The following CD109 variants were observed in gnomAD, a reference collection of about 807,000 sequenced individuals.
The protein encoded by CD109 is CD109 molecule.
In CD109, 149 loss-of-function variants were observed where a neutral mutation model predicts 165.8. The observed-to-expected ratio is 0.90, with a 90% CI of 0.79 to 1.03. The LOEUF (loss-of-function observed/expected upper bound fraction) is 1.03, where lower values mean the gene tolerates loss of function less well. Among genes scored for constraint, CD109 ranks in the 50% least tolerant of loss-of-function variants. The probability of loss-of-function intolerance (pLI) is 0.00; values close to 1 mark genes in which losing one functional copy is unlikely to be tolerated. For missense variants in CD109, 1,712 were observed against 1,677.8 expected (o/e 1.02, Z -0.36); for synonymous variants, 585 against 592.1 (o/e 0.99, Z 0.18).
intron 7 of CD109, among the ~76,000 whole-genome samples, chr6:73,760,463 CTCT>C (rs1313894191): frequency 6.7e-6 from 1 of 148,178 alleles, no homozygotes; most frequent in East Asian, 2.0e-4. Context: ...AATGTATTGC[CTCT>C]TCTTCACATG....
rs533767572 is a variant in CD109 at position 73,802,257 on chromosome 6, A to ATG, written c.2879-931_2879-930dup. On this transcript the variant is annotated intron_variant, in intron 23 of 32. Coordinates refer to ENST00000287097, the MANE Select transcript of CD109 (RefSeq NM_133493.5). ...CATTGCCACCACTGAGCATGTGTAT[A>ATG]TGTGTGTGTGTGTGTGTGTGTGTGT... Among the ~76,000 whole-genome samples, 737 of 100,312 alleles carry ATG rather than the reference A, an allele frequency of 7.3e-3. 6 individuals carry two copies. The highest frequency in any genetic ancestry group is 0.015 in the African/African-American group (347 of 23,930). 65.8% of individuals were successfully genotyped at this position (100,312 alleles called of 152,430 possible). A position where few individuals can be genotyped will look rare whatever the true frequency, so the allele number is the denominator to read the frequency against.
intron 2 of CD109, among the ~76,000 whole-genome samples, chr6:73,720,739 C>T (rs1342954996): frequency 6.6e-6 from 1 of 152,074 alleles, no homozygotes; most frequent in Non-Finnish European, 1.5e-5. Context: ...AAAAAAAGAT[C>T]CAGGACAAAT....
chr6:73,679,628 G>GT, the CD109 span, among the ~76,000 whole-genome samples: 61,265 of 149,462 alleles, frequency 0.41, 12,639 homozygotes, highest in Admixed American at 0.46. Context: ...TTTCTTTTCT[G>GT]TTTTTTTTTG....
rs754018053 is a variant in CD109 at position 73,781,778 on chromosome 6, G to GAC, written c.1963+475_1963+476dup. Among the ~76,000 whole-genome samples, 515 of 124,134 alleles carry GAC rather than the reference G, an allele frequency of 4.1e-3. 4 individuals are homozygous for GAC. Among genetic ancestry groups the GAC allele is most frequent in the African/African-American group, 0.013 (440 of 33,084 alleles). 81.4% of individuals were successfully genotyped at this position (124,134 alleles called of 152,430 possible). A position where few individuals can be genotyped will look rare whatever the true frequency, so the allele number is the denominator to read the frequency against. The stretch of plus-strand genomic sequence containing the variant: ...ACACACACACACACACACAGACACA[G>GAC]ACACACACACACACACAGAGACATA... On this transcript the variant is annotated intron_variant, in intron 17 of 32. Transcript: ENST00000287097.
intron 5 of CD109, among the ~76,000 whole-genome samples, chr6:73,741,015 C>T (rs1461640893): frequency 2.0e-5 from 3 of 152,094 alleles, no homozygotes; most frequent in African/African-American, 7.2e-5. Flanking sequence ...TACCCTGCCA[C>T]CTTGGTTTTC....
At chr6:73,791,158 TATATATATATATATATATAC>T (rs1203149166) in intron 22 of CD109, among the ~76,000 whole-genome samples, 21 of 29,254 alleles carry the variant, frequency 7.2e-4, no homozygotes, top group South Asian at 3.3e-3. Context: ...TATATATATA[TATATATATATATATATATAC>T]ACACACACAC....
Position 73,827,898 on chromosome 6 carries a change from C to A in CD109, c.*4265C>A, listed in dbSNP as rs1384491164. ...CATTCTATCTTATGTTGTCTTGAGG[C>A]CAAGATTTACCACGTTTGCCCAGTG... On this transcript the variant is annotated 3_prime_UTR_variant, in exon 33 of 33. Coordinates refer to ENST00000287097, the MANE Select transcript of CD109 (RefSeq NM_133493.5). 1 of 154,476 alleles carries A rather than the reference C, an allele frequency of 6.5e-6. No individual in the cohort carries two copies. The highest frequency in any genetic ancestry group is 2.4e-5 in the African/African-American group (1 of 41,506). 9.6% of individuals were successfully genotyped at this position (154,476 alleles called of 1,614,324 possible). A position where few individuals can be genotyped will look rare whatever the true frequency, so the allele number is the denominator to read the frequency against.
intron 17 of CD109, 77 bp downstream of exon 17, chr6:73,781,396 T>G: frequency 8.2e-7 from 1 of 1,215,522 alleles, no homozygotes; most frequent in Non-Finnish European, 1.2e-6. Flanking sequence ...TATGGATATT[T>G]TTTAGATGAA....
rs760052746 is a variant in CD109, at chr6:73,803,264, A to G, written c.2923A>G (p.Ser975Gly). Residue 975 changes from serine (S) to glycine (G), a missense_variant, in exon 24 of 33, where the codon AGT (serine) becomes GGT (glycine). Physicochemically the swap from Ser to Gly is moderately conservative, Grantham distance 56 (BLOSUM62 0). Transcript: ENST00000287097. Reference protein sequence around the residue: ...LLYQREDGSFSAFGNYDPSGS... With the variant: ...LLYQREDGSFGAFGNYDPSGS... Reference sequence around the variant, plus strand: ...CTATCAGAGGGAAGATGGCTCTTTCAGTGCTTTTGGGAATTATGACCCTTC... The same window carrying G: ...CTATCAGAGGGAAGATGGCTCTTTCGGTGCTTTTGGGAATTATGACCCTTC... The G allele has an allele frequency of 9.3e-6, 15 of 1,611,068 alleles. No homozygotes were observed. The highest frequency in any genetic ancestry group is 3.3e-4 in the Middle Eastern group (2 of 6,076).
chr6:73,816,037 A>G (rs1775924096), intron 30 of CD109, among the ~76,000 whole-genome samples: 1 of 152,166 alleles, frequency 6.6e-6, no homozygotes, highest in Non-Finnish European at 1.5e-5. Flanking sequence ...CTTCAAGGTC[A>G]TCTCTGGGTG....
chr6:73,707,991 TA>T (rs1771358503), intron 2 of CD109, among the ~76,000 whole-genome samples: 3 of 81,844 alleles, frequency 3.7e-5, no homozygotes, highest in Admixed American at 1.4e-4. Context: ...TATATATATA[TA>T]TATATATATA....
intron 10 of CD109, among the ~76,000 whole-genome samples, chr6:73,765,391 C>G (rs1282110407): frequency 6.6e-6 from 1 of 151,996 alleles, no homozygotes; most frequent in Non-Finnish European, 1.5e-5. Context: ...TAAAGTCTTG[C>G]AAAATCCTGA....
chr6:73,750,260 G>A (rs1438934631), intron 5 of CD109, among the ~76,000 whole-genome samples: 1 of 152,186 alleles, frequency 6.6e-6, no homozygotes, highest in Non-Finnish European at 1.5e-5. Context: ...AGGGATGGAA[G>A]CTCAGTTTGG....
At position 73,763,117 on chromosome 6, in the gene CD109, T is replaced by C. The variant is rs142809372; in HGVS notation, c.997+235T>C. Among the ~76,000 whole-genome samples the C allele has an allele frequency of 5.3e-4, 81 of 152,328 alleles. 1 individual carries two copies. Among genetic ancestry groups the C allele is most frequent in the African/African-American group, 1.9e-3 (79 of 41,568 alleles). On this transcript the variant is annotated intron_variant, in intron 9 of 32. Coordinates refer to ENST00000287097, the MANE Select transcript of CD109 (RefSeq NM_133493.5). ...GTGATAGCTCTTCTTAATTTTTTTT[T>C]CCATTTCTACTCTTTCCCCCTGAAA...
chr6:73,730,391 A>G lies in CD109; in HGVS notation c.324A>G (p.Gly108=), dbSNP rs1359642124. The change falls in exon 4 of 33, where the codon GGA becomes GGG. Residue 108 remains glycine, a synonymous_variant. Coordinates refer to ENST00000287097, the MANE Select transcript of CD109 (RefSeq NM_133493.5). The part of the protein sequence containing the change: ...ADEIYELRVT[G]RTQDEILFSN... ...AGATTTATGAGCTACGTGTAACCGG[A>G]CGTACCCAGGATGAGATTTTATTCT... is the stretch of plus-strand genomic sequence containing the variant. 1 of 1,614,052 alleles carries G rather than the reference A, an allele frequency of 6.2e-7. No individual in the cohort carries two copies. The highest frequency in any genetic ancestry group is 2.2e-5 in the East Asian group (1 of 44,884).
intron 25 of CD109, 44 bp from the exon 26 acceptor site, chr6:73,808,039 T>G: frequency 6.4e-7 from 1 of 1,565,892 alleles, no homozygotes; most frequent in Non-Finnish European, 8.7e-7. Context: ...TATGTGGTAA[T>G]GGGTTACTCT....
Position 73,828,178 on chromosome 6 carries a change from A to T in CD109, c.*4545A>T, listed in dbSNP as rs1776327622. ...GAACACTGTTGAAATAAGGAACTAA[A>T]GCTTTATATATTGATCAAGGTGATT... On this transcript the variant is annotated 3_prime_UTR_variant, in exon 33 of 33. Coordinates refer to ENST00000287097, the MANE Select transcript of CD109 (RefSeq NM_133493.5). 1.3e-5 allele frequency: 2 copies of T among 154,778 alleles called. No homozygotes were observed. Among genetic ancestry groups the T allele is most frequent in the South Asian group, 4.1e-4 (2 of 4,918 alleles). 9.6% of individuals were successfully genotyped at this position (154,778 alleles called of 1,614,324 possible). A position where few individuals can be genotyped will look rare whatever the true frequency, so the allele number is the denominator to read the frequency against.
chr6:73,720,626 A>G (rs1771916649), intron 2 of CD109, among the ~76,000 whole-genome samples: 1 of 152,222 alleles, frequency 6.6e-6, no homozygotes, highest in Non-Finnish European at 1.5e-5. Flanking sequence ...CGCATACCAT[A>G]AATATATTCA....
chr6:73,743,296 T>G (rs964315271), intron 5 of CD109, among the ~76,000 whole-genome samples: 1 of 152,178 alleles, frequency 6.6e-6, no homozygotes, highest in East Asian at 1.9e-4. Flanking sequence ...GTCTCAATCT[T>G]AAGCCATTGT....
Sources: allele counts gnomAD v4.1 joint callset (sites outside exome capture counted in the v4.1 genomes callset), GRCh38; gene constraint gnomAD v4.1.1; transcripts MANE v1.5; gene names NCBI Gene and HGNC (gene_info 2026-07-23, HGNC 2026-07-21).